ZNF700: variants seen among roughly 807,000 people sequenced by gnomAD.
ZNF700 encodes the protein zinc finger protein 700.
A neutral mutation model predicts 65.3 loss-of-function variants in ZNF700; 38 were observed. The observed-to-expected ratio is 0.58, with a 90% CI of 0.45 to 0.76. The LOEUF (loss-of-function observed/expected upper bound fraction) is 0.76. ZNF700 is among the 30% of genes least tolerant of loss of function. ZNF700 has a pLI of 0.00. For missense variants in ZNF700, 857 were observed against 888.4 expected, an observed-to-expected ratio of 0.96 and a Z score of 0.45; for synonymous variants, 285 against 290.4, an observed-to-expected ratio of 0.98 and a Z score of 0.19.
chr19:11,926,290 A>C lies in ZNF700; in HGVS notation c.63+1017A>C, dbSNP rs185810498. Reference sequence around the variant, plus strand: ...TGAATGTGTGGGAGAGGGTATAAGGAGACCTGTCTCACCTCCCATCCTGTC... The same window carrying C: ...TGAATGTGTGGGAGAGGGTATAAGGCGACCTGTCTCACCTCCCATCCTGTC... On this transcript the variant is annotated intron_variant, in intron 1 of 3. Transcript: ENST00000254321. 1.7e-3 allele frequency among the ~76,000 whole-genome samples: 254 copies of C among 152,294 alleles called. 3 individuals are homozygous for C. Among genetic ancestry groups the C allele is most frequent in the African/African-American group, 5.8e-3 (240 of 41,554 alleles).
rs555126695 is a variant in ZNF700, at chr19:11,942,306, A to G, written c.64-4875A>G. 8.6e-5 allele frequency among the ~76,000 whole-genome samples: 13 copies of G among 151,928 alleles called. No homozygotes were observed. In the South Asian group the frequency reaches 2.7e-3, roughly 32 times the overall value. On this transcript the variant is annotated intron_variant, in intron 1 of 3. Transcript: ENST00000254321. ...TGTCATCAAAGATTACACTTTGGGA[A>G]CAGGCATTTTCAAGGAAACACAGCC...
At chr19:11,944,090 A>G (rs1972924439) in intron 1 of ZNF700, among the ~76,000 whole-genome samples, 2 of 152,062 alleles carry the variant, frequency 1.3e-5, no homozygotes, top group African/African-American at 4.8e-5. Flanking sequence ...TCCACACTCT[A>G]TTACCTGGGG....
intron 1 of ZNF700, among the ~76,000 whole-genome samples, chr19:11,926,283 T>A (rs1972626245): frequency 1.3e-5 from 2 of 152,172 alleles, no homozygotes; most frequent in South Asian, 4.1e-4. Flanking sequence ...TGGGAGAGGG[T>A]ATAAGGAGAC....
At position 11,949,266 on chromosome 19, in the gene ZNF700, A is replaced by G. The variant is rs564858518; in HGVS notation, c.1242A>G (p.Gly414=). The G allele has an allele frequency of 2.5e-6, 4 of 1,614,138 alleles. No individual in the cohort carries two copies. The East Asian group carries it at 6.7e-5, about 27-fold the overall frequency. Reference sequence around the variant, plus strand: ...GATATCATGAAAGGATTCACACTGGAGAGAAACCCTATGAGTGTAAGCAGT... The same window carrying G: ...GATATCATGAAAGGATTCACACTGGGGAGAAACCCTATGAGTGTAAGCAGT... The part of the protein sequence containing the change: ...SFRYHERIHT[G]EKPYECKQCG... The change falls in exon 4 of 4, where the codon GGA becomes GGG. Residue 414 remains glycine, a synonymous_variant. Transcript: ENST00000254321.
At position 11,949,642 on chromosome 19, in the gene ZNF700, C is replaced by A. The variant is rs1304433040; in HGVS notation, c.1618C>A (p.Gln540Lys). ...TGGAGAGAAACCCTATGAATGCAACCAATGTGGTAAAGCCTTCAGATGTTG... is the reference window on the plus strand; with the variant it reads ...TGGAGAGAAACCCTATGAATGCAACAAATGTGGTAAAGCCTTCAGATGTTG... ...HTGEKPYECN[Q>K]CGKAFRCCNS... Residue 540 changes from glutamine to lysine, a missense_variant, in exon 4 of 4, where the codon CAA becomes AAA. By Grantham distance (53) the Gln-to-Lys change is moderately conservative. Transcript: ENST00000254321. The A allele has an allele frequency of 1.2e-6, 2 of 1,613,292 alleles. No homozygotes were observed. Among genetic ancestry groups the A allele is most frequent in the South Asian group, 2.2e-5 (2 of 91,018 alleles).
chr19:11,929,070 A>G (rs1972677075), intron 1 of ZNF700, among the ~76,000 whole-genome samples: 1 of 148,666 alleles, frequency 6.7e-6, no homozygotes, highest in Admixed American at 6.6e-5. Context: ...CCAGCTAGCT[A>G]TGTGAAAGCT....
intron 1 of ZNF700, among the ~76,000 whole-genome samples, chr19:11,940,338 G>C (rs1667583619): frequency 6.6e-6 from 1 of 152,196 alleles, no homozygotes; most frequent in Admixed American, 6.5e-5. Context: ...CTTGCGGTGA[G>C]TGTTACAGCT....
chr19:11,925,441 G>A (rs1334426221), intron 1 of ZNF700, among the ~76,000 whole-genome samples, 168 bp downstream of exon 1: 1 of 152,168 alleles, frequency 6.6e-6, no homozygotes, highest in Admixed American at 6.5e-5. Context: ...GACGGGGCTG[G>A]GCCAGCAGCC....
chr19:11,941,647 G>A (rs369573283), intron 1 of ZNF700, among the ~76,000 whole-genome samples: 13 of 152,230 alleles, frequency 8.5e-5, no homozygotes, highest in Middle Eastern at 3.4e-3. Flanking sequence ...CAAGCGCCGC[G>A]CGCAGCCCCA....
Position 11,945,287 on chromosome 19 carries a change from G to T in ZNF700, c.64-1894G>T, listed in dbSNP as rs140021476. 5.6e-4 allele frequency among the ~76,000 whole-genome samples: 86 copies of T among 152,300 alleles called. 2 individuals carry two copies. In the East Asian group the frequency reaches 0.014, roughly 25 times the overall value. Reference sequence around the variant, plus strand: ...CTGCAAAGTTTGGGATCCACAGTCTGCAGAACCCTACTGCTCCTAAGAATT... The same window carrying T: ...CTGCAAAGTTTGGGATCCACAGTCTTCAGAACCCTACTGCTCCTAAGAATT... On this transcript the variant is annotated intron_variant, in intron 1 of 3. Coordinates refer to ENST00000254321, the MANE Select transcript of ZNF700 (RefSeq NM_144566.3).
At chr19:11,926,730 G>A (rs1972634858) in intron 1 of ZNF700, 1 of 154,270 alleles carries the variant, frequency 6.5e-6, no homozygotes, top group Admixed American at 6.6e-5. Context: ...TTAGGGGTAA[G>A]CTTTTATAAG....
intron 1 of ZNF700, among the ~76,000 whole-genome samples, chr19:11,938,734 T>C (rs1237365124): frequency 6.6e-6 from 1 of 152,260 alleles, no homozygotes; most frequent in Non-Finnish European, 1.5e-5. Flanking sequence ...CCTTTGGGTA[T>C]ATACCCAGTA....
intron 1 of ZNF700, among the ~76,000 whole-genome samples, chr19:11,937,542 G>A (rs998459385): frequency 1.4e-5 from 2 of 146,398 alleles, no homozygotes; most frequent in African/African-American, 2.6e-5. Context: ...AGGCTGGAGT[G>A]CAGTGGCGCC....
chr19:11,936,694 T>TA (rs1253340146), intron 1 of ZNF700, among the ~76,000 whole-genome samples: 1 of 152,224 alleles, frequency 6.6e-6, no homozygotes, highest in African/African-American at 2.4e-5. Flanking sequence ...TTAGTTTAAT[T>TA]AGATCCCATT....
At position 11,949,706 on chromosome 19, in the gene ZNF700, A is replaced by G. The variant is rs1439161699; in HGVS notation, c.1682A>G (p.Glu561Gly). The change falls in exon 4 of 4, where the codon GAG becomes GGG. Residue 561 changes from glutamate (E) to glycine (G), a missense_variant. This residue lies in a region of ZNF700 where 251 missense variants were observed against 250.3 expected (regional missense o/e 1.00). Coordinates refer to ENST00000254321, the MANE Select transcript of ZNF700 (RefSeq NM_144566.3). ...LRYHERTHTGEKPYECKQCGK... is the reference protein window; with the variant it reads ...LRYHERTHTGGKPYECKQCGK... ...TATCATGAAAGGACTCACACTGGAG[A>G]GAAACCCTATGAGTGTAAGCAATGT... The G allele has an allele frequency of 6.2e-7, 1 of 1,614,038 alleles. No individual in the cohort carries two copies. Among genetic ancestry groups the G allele is most frequent in the Admixed American group, 1.7e-5 (1 of 60,022 alleles).
At chr19:11,946,381 A>G (rs1027008905) in intron 1 of ZNF700, among the ~76,000 whole-genome samples, 1 of 151,926 alleles carries the variant, frequency 6.6e-6, no homozygotes, top group Admixed American at 6.6e-5. Context: ...TTGCTGTGCC[A>G]TTTCCTGCCA....
chr19:11,936,856 A>G (rs1972803552), intron 1 of ZNF700, among the ~76,000 whole-genome samples: 1 of 152,162 alleles, frequency 6.6e-6, no homozygotes, highest in Admixed American at 6.6e-5. Flanking sequence ...TCTTGAATTA[A>G]TTTTTGTGTA....
At chr19:11,934,994 T>A (rs565281494) in intron 1 of ZNF700, among the ~76,000 whole-genome samples, 9 of 146,090 alleles carry the variant, frequency 6.2e-5, no homozygotes, top group Non-Finnish European at 1.0e-4. Context: ...TGGCTAACAC[T>A]GTGAAACCCC....
chr19:11,931,978 G>A (rs1972720941), intron 1 of ZNF700, among the ~76,000 whole-genome samples: 2 of 147,636 alleles, frequency 1.4e-5, no homozygotes, highest in Non-Finnish European at 1.5e-5. Context: ...AGCCAGGCGT[G>A]GTGGCAGAGG....
Sources: allele counts gnomAD v4.1 joint callset (sites outside exome capture counted in the v4.1 genomes callset), GRCh38; gene constraint gnomAD v4.1.1; regional missense constraint gnomAD v4.1.1; transcripts MANE v1.5; gene names NCBI Gene and HGNC (gene_info 2026-07-23, HGNC 2026-07-21).